The following UBAC1 variants were observed in gnomAD, a reference collection of about 807,000 sequenced individuals.
UBAC1 encodes the protein UBA domain containing 1.
In UBAC1, 27 loss-of-function variants were observed where a neutral mutation model predicts 45.9. That is an observed-to-expected ratio of 0.59 (90% confidence interval 0.43 to 0.81). The LOEUF (loss-of-function observed/expected upper bound fraction) is 0.81. Among genes scored for constraint, UBAC1 ranks in the 30% least tolerant of loss-of-function variants. The pLI, the probability that UBAC1 is intolerant of heterozygous loss-of-function variation, is 0.00. For missense variants in UBAC1, 529 were observed against 539.2 expected (o/e 0.98, Z 0.19); for synonymous variants, 227 against 215.5 (o/e 1.05, Z -0.47).
chr9:135,933,464 T>C lies in UBAC1; in HGVS notation c.1154A>G (p.Asp385Gly), dbSNP rs753479509. The C allele has an allele frequency of 6.2e-7, 1 of 1,614,076 alleles. No individual in the cohort carries two copies. Reference sequence around the variant, plus strand: ...CAGCATGACAGGCCCCGTTTCTGGATCATTCATCCACTGGGTGCTGTTCAG... The same window carrying C: ...CAGCATGACAGGCCCCGTTTCTGGACCATTCATCCACTGGGTGCTGTTCAG... ...NPLNSTQWMN[D>G]PETGPVMLQI... Residue 385 changes from aspartate (D) to glycine (G), a missense_variant, in exon 10 of 10, where the codon GAT (aspartate) becomes GGT (glycine). By Grantham distance (94) the Asp-to-Gly change is moderately conservative (BLOSUM62 -1). Transcript: ENST00000371756.
intron 9 of UBAC1, 87 bp downstream of exon 9, chr9:135,938,135 G>C: frequency 6.5e-7 from 1 of 1,545,842 alleles, no homozygotes; most frequent in Non-Finnish European, 8.7e-7. Flanking sequence ...TGGATCCTCC[G>C]TATCGCCTCC....
At chr9:135,948,291 T>C (rs1020754860) in intron 3 of UBAC1, among the ~76,000 whole-genome samples, 3 of 152,104 alleles carry the variant, frequency 2.0e-5, no homozygotes, top group African/African-American at 7.3e-5. Flanking sequence ...TGGAAGCTCC[T>C]GAAGGGCAGT....
Position 135,955,412 on chromosome 9 carries a change from C to T in UBAC1, c.142G>A (p.Ala48Thr). The change falls in exon 2 of 10, where the codon GCT becomes ACT. Residue 48 changes from alanine to threonine, a missense_variant. Transcript: ENST00000371756. Reference sequence around the variant, plus strand: ...TTGGGATCTTCTAAGCTCCCATGAGCACACTGGGGAAAAATAGAAATTTCA... The same window carrying T: ...TTGGGATCTTCTAAGCTCCCATGAGTACACTGGGGAAAAATAGAAATTTCA... ...KLKERCLKHCAHGSLEDPKSI... is the reference protein window; with the variant it reads ...KLKERCLKHCTHGSLEDPKSI... The T allele has an allele frequency of 6.4e-7, 1 of 1,553,962 alleles. No homozygotes were observed. Among genetic ancestry groups the T allele is most frequent in the Non-Finnish European group, 8.6e-7 (1 of 1,156,892 alleles).
At chr9:135,955,616 C>A (rs537307098) in intron 1 of UBAC1, among the ~76,000 whole-genome samples, 1 of 152,292 alleles carries the variant, frequency 6.6e-6, no homozygotes, top group Non-Finnish European at 1.5e-5. Context: ...TGATCCCCAG[C>A]CCATGGAGTA....
chr9:135,957,696 C>G (rs951980584), intron 1 of UBAC1, among the ~76,000 whole-genome samples: 1 of 151,504 alleles, frequency 6.6e-6, no homozygotes, highest in South Asian at 2.1e-4. Flanking sequence ...CATCTTCATG[C>G]GATCTAGGAA....
chr9:135,944,682 C>A (rs1319364029), intron 7 of UBAC1, among the ~76,000 whole-genome samples: 2 of 152,204 alleles, frequency 1.3e-5, no homozygotes, highest in Non-Finnish European at 2.9e-5. Context: ...AGAGAGGCTG[C>A]CGAACAGGGG....
At chr9:135,935,384 G>A (rs557124642) in intron 9 of UBAC1, among the ~76,000 whole-genome samples, 5 of 152,272 alleles carry the variant, frequency 3.3e-5, no homozygotes, top group African/African-American at 4.8e-5. Flanking sequence ...AATGGCTCTC[G>A]CCTACAATCC....
At position 135,945,957 on chromosome 9, in the gene UBAC1, A is replaced by G. The variant is rs1458971343; in HGVS notation, c.585T>C (p.Ala195=). 6.2e-7 allele frequency: 1 copy of G among 1,614,056 alleles called. No individual in the cohort carries two copies. The highest frequency in any genetic ancestry group is 8.5e-7 in the Non-Finnish European group (1 of 1,180,034). ...DEDEDERVDE[A]ALRQLTEMGF... ...CCATCTCCGTGAGCTGCCGCAGGGC[A>G]GCCTCGTCCACACGCTCATCCTCGT... The change falls in exon 6 of 10, where the codon GCT becomes GCC. Residue 195 remains alanine (A), a synonymous_variant. Transcript: ENST00000371756.
At chr9:135,946,190 G>T in intron 5 of UBAC1, 79 bp downstream of exon 5, 1 of 1,138,150 alleles carries the variant, frequency 8.8e-7, no homozygotes, top group Non-Finnish European at 1.3e-6. Context: ...CCGGTCAGTG[G>T]TCAGTGCGTG....
At chr9:135,936,247 G>T (rs574232511) in intron 9 of UBAC1, among the ~76,000 whole-genome samples, 1 of 151,818 alleles carries the variant, frequency 6.6e-6, no homozygotes, top group Non-Finnish European at 1.5e-5. Context: ...ACATCCTAAG[G>T]TATACAAACA....
At chr9:135,947,251 T>C (rs923766625) in intron 4 of UBAC1, among the ~76,000 whole-genome samples, 1 of 151,870 alleles carries the variant, frequency 6.6e-6, no homozygotes, top group South Asian at 2.1e-4. Context: ...TTCAGATTTG[T>C]GTGTTTTTTT....
At chr9:135,957,998 A>C (rs960818923) in intron 1 of UBAC1, among the ~76,000 whole-genome samples, 1 of 149,130 alleles carries the variant, frequency 6.7e-6, no homozygotes, top group Non-Finnish European at 1.5e-5. Flanking sequence ...CTGGAATTTC[A>C]TGAATGTTTA....
rs145229604 is a variant in UBAC1 at position 135,946,587 on chromosome 9, C to T, written c.442-216G>A. ...TGAAGCCAGTGGAAAGGGACAGGAA[C>T]GCCTGGTGACGGTCACTCAGTGCTG... is the stretch of plus-strand genomic sequence containing the variant. On this transcript the variant is annotated intron_variant, in intron 4 of 9. Coordinates refer to ENST00000371756, the MANE Select transcript of UBAC1 (RefSeq NM_016172.3). Among the ~76,000 whole-genome samples the T allele has an allele frequency of 3.8e-3, 583 of 152,320 alleles. 4 individuals are homozygous for T. The highest frequency in any genetic ancestry group is 0.013 in the African/African-American group (555 of 41,572).
chr9:135,953,673 A>C lies in UBAC1; in HGVS notation c.333+7T>G. Reference sequence around the variant, plus strand: ...CAAGGTCCCCAATTGCAAACTTTGAAATTTACCTTTTCTTCTGCTGAGACA... The same window carrying C: ...CAAGGTCCCCAATTGCAAACTTTGACATTTACCTTTTCTTCTGCTGAGACA... On this transcript the variant is annotated splice_region_variant and intron_variant, in intron 3 of 9. Transcript: ENST00000371756. 1 of 1,613,358 alleles carries C rather than the reference A, an allele frequency of 6.2e-7. No individual in the cohort carries two copies. The highest frequency in any genetic ancestry group is 1.1e-5 in the South Asian group (1 of 91,024).
At chr9:135,958,049 CTTTTT>C (rs756622970) in intron 1 of UBAC1, among the ~76,000 whole-genome samples, 1 of 126,344 alleles carries the variant, frequency 7.9e-6, no homozygotes, top group South Asian at 2.5e-4. Context: ...GTATAATTTT[CTTTTT>C]TTTTTTTTTT....
intron 3 of UBAC1, 111 bp from the exon 4 acceptor site, chr9:135,948,016 GC>G: frequency 9.9e-7 from 1 of 1,005,370 alleles, no homozygotes; most frequent in Non-Finnish European, 1.5e-6. Context: ...TCCTTTAGGA[GC>G]CAGAGGTGTA....
chr9:135,942,635 A>G (rs1363786775), intron 7 of UBAC1, among the ~76,000 whole-genome samples: 4 of 150,052 alleles, frequency 2.7e-5, no homozygotes, highest in African/African-American at 9.8e-5. Context: ...CCTGGGTGAC[A>G]GAGTGAAACT....
At position 135,938,373 on chromosome 9, in the gene UBAC1, G is replaced by C; in HGVS notation, c.964-13C>G. On this transcript the variant is annotated splice_polypyrimidine_tract_variant and intron_variant, in intron 8 of 9. Coordinates refer to ENST00000371756, the MANE Select transcript of UBAC1 (RefSeq NM_016172.3). ...GCAGCCACTCGCACTGCAAAGCCAA[G>C]AGCACCAATACCACTGTTAGCGCCT... The C allele has an allele frequency of 6.2e-7, 1 of 1,612,124 alleles. No individual in the cohort carries two copies. The highest frequency in any genetic ancestry group is 8.5e-7 in the Non-Finnish European group (1 of 1,179,676).
At position 135,945,164 on chromosome 9, in the gene UBAC1, G is replaced by T; in HGVS notation, c.740C>A (p.Pro247Gln). The T allele has an allele frequency of 6.2e-7, 1 of 1,613,462 alleles. No homozygotes were observed. Among genetic ancestry groups the T allele is most frequent in the Non-Finnish European group, 8.5e-7 (1 of 1,179,858 alleles). The change falls in exon 7 of 10, where the codon CCA becomes CAA. Residue 247 changes from proline (P) to glutamine (Q), a missense_variant. Coordinates refer to ENST00000371756, the MANE Select transcript of UBAC1 (RefSeq NM_016172.3). ...IDTPLPGQAPPEAEGATAAAS... is the reference protein window; with the variant it reads ...IDTPLPGQAPQEAEGATAAAS... ...AGCTGCTGTGGCCCCCTCGGCCTCT[G>T]GGGGAGCTTGGCCAGGAAGAGGCGT...
Sources: gnomAD v4.1 joint callset for allele counts (sites outside exome capture counted in the v4.1 genomes callset) on GRCh38, gnomAD v4.1.1 for gene constraint, MANE v1.5 for transcripts, NCBI Gene and HGNC (gene_info 2026-07-23, HGNC 2026-07-21) for gene names.